CABIN1: variants seen among roughly 807,000 people sequenced by gnomAD.
The protein encoded by CABIN1 is calcineurin binding protein 1.
A neutral mutation model predicts 227.7 loss-of-function variants in CABIN1; 133 were observed. That is an observed-to-expected ratio of 0.58 (90% CI 0.51 to 0.67). The LOEUF (loss-of-function observed/expected upper bound fraction) is 0.67. Among genes scored for constraint, CABIN1 ranks in the 30% least tolerant of loss-of-function variants. The pLI, the probability that CABIN1 is intolerant of heterozygous loss-of-function variation, is 0.00. For synonymous variants in CABIN1, 1,086 were observed against 1,155.1 expected, an observed-to-expected ratio of 0.94 and a Z score of 1.21; for missense variants, 2,408 against 2,852.5, an observed-to-expected ratio of 0.84 and a Z score of 3.55.
chr22:24,108,389 G>C (rs142333282), intron 26 of CABIN1, among the ~76,000 whole-genome samples: 2 of 152,202 alleles, frequency 1.3e-5, no homozygotes, highest in Non-Finnish European at 2.9e-5. Flanking sequence ...TCAAGTTTGG[G>C]ACATTTTGTG....
intron 18 of CABIN1, among the ~76,000 whole-genome samples, chr22:24,075,951 T>C (rs2146861879): frequency 6.6e-6 from 1 of 151,790 alleles, no homozygotes; most frequent in South Asian, 2.1e-4. Flanking sequence ...CCTATATGGC[T>C]TGAATTGTGT....
At chr22:24,064,512 GTTTTTTTTTT>G (rs782268156) in intron 15 of CABIN1, among the ~76,000 whole-genome samples, 23 of 106,900 alleles carry the variant, frequency 2.2e-4, no homozygotes, top group African/African-American at 6.9e-4. Context: ...CAGCTGAAAG[GTTTTTTTTTT>G]TTTTTTTTTT....
rs566471773 is a variant in CABIN1, at chr22:24,077,731, A to C, written c.2748+1447A>C. ...CTCTGCAGGGACAGTCTCTGCTTCCATAAGGTCACCTCCACAAGGCCATCC... is the reference window on the plus strand; with the variant it reads ...CTCTGCAGGGACAGTCTCTGCTTCCCTAAGGTCACCTCCACAAGGCCATCC... On this transcript the variant is annotated intron_variant, in intron 19 of 36. Transcript: ENST00000263119. Among the ~76,000 whole-genome samples the C allele has an allele frequency of 3.3e-5, 5 of 152,254 alleles. No individual in the cohort carries two copies. In the East Asian group the frequency reaches 9.7e-4, roughly 29 times the overall value.
intron 22 of CABIN1, among the ~76,000 whole-genome samples, chr22:24,085,959 G>A (rs1241425739): frequency 2.0e-5 from 3 of 152,218 alleles, no homozygotes; most frequent in Non-Finnish European, 2.9e-5. Context: ...TGAGCACAGA[G>A]CCACCCTAAC....
chr22:24,051,270 C>T (rs58648008), intron 8 of CABIN1, among the ~76,000 whole-genome samples: 6 of 152,134 alleles, frequency 3.9e-5, no homozygotes, highest in African/African-American at 9.7e-5. Context: ...ATCTAGAGGG[C>T]GAATGGAAAC....
intron 34 of CABIN1, among the ~76,000 whole-genome samples, chr22:24,173,920 A>G (rs1157145576): frequency 6.6e-6 from 1 of 151,656 alleles, no homozygotes; most frequent in African/African-American, 2.4e-5. Flanking sequence ...CATAAAATGG[A>G]TAAGATGAAG....
chr22:24,128,641 C>G (rs2043880474), intron 28 of CABIN1, among the ~76,000 whole-genome samples: 1 of 152,210 alleles, frequency 6.6e-6, no homozygotes, highest in African/African-American at 2.4e-5. Context: ...CCAAAGGCTG[C>G]AGAAGGTCTT....
chr22:24,013,112 A>G (rs907332078), intron 1 of CABIN1, among the ~76,000 whole-genome samples: 23 of 148,682 alleles, frequency 1.5e-4, no homozygotes, highest in African/African-American at 5.5e-4. Flanking sequence ...TCTTGGATTT[A>G]TGGTGAACAA....
chr22:24,071,105 T>C, intron 17 of CABIN1, 63 bp downstream of exon 17: 1 of 1,607,504 alleles, frequency 6.2e-7, no homozygotes, highest in Non-Finnish European at 8.5e-7. Context: ...GACATCCTGC[T>C]TCTTCAGTAG....
At chr22:24,107,572 C>T (rs1005486265) in intron 26 of CABIN1, among the ~76,000 whole-genome samples, 9 of 152,240 alleles carry the variant, frequency 5.9e-5, no homozygotes, top group Admixed American at 2.0e-4. Context: ...CCCTGCACAG[C>T]ATGCCGTCCT....
At chr22:24,064,512 G>GTTGT (rs1456099971) in intron 15 of CABIN1, among the ~76,000 whole-genome samples, 1 of 106,900 alleles carries the variant, frequency 9.4e-6, no homozygotes, top group African/African-American at 3.6e-5. Context: ...CAGCTGAAAG[G>GTTGT]TTTTTTTTTT....
chr22:24,172,003 C>G lies in CABIN1; in HGVS notation c.6040+8C>G, dbSNP rs752845253. 3.1e-6 allele frequency: 5 copies of G among 1,606,988 alleles called. No individual in the cohort carries two copies. Among genetic ancestry groups the G allele is most frequent in the Non-Finnish European group, 4.2e-6 (5 of 1,179,190 alleles). ...TGGCCTCTCTGGGCCCAGGTGAGTCCCATCCCAGTCCAGAGCTGGGCCCAG... is the reference window on the plus strand; with the variant it reads ...TGGCCTCTCTGGGCCCAGGTGAGTCGCATCCCAGTCCAGAGCTGGGCCCAG... On this transcript the variant is annotated splice_region_variant and intron_variant, in intron 34 of 36. Coordinates refer to ENST00000263119, the MANE Select transcript of CABIN1 (RefSeq NM_012295.4).
chr22:24,174,577 G>A (rs1237207075), intron 34 of CABIN1, among the ~76,000 whole-genome samples: 1 of 152,096 alleles, frequency 6.6e-6, no homozygotes, highest in Non-Finnish European at 1.5e-5. Context: ...CCATGCTCTC[G>A]TCTTGTAGTT....
chr22:24,087,143 C>G (rs1396761736), intron 22 of CABIN1, among the ~76,000 whole-genome samples: 1 of 152,204 alleles, frequency 6.6e-6, no homozygotes, highest in Admixed American at 6.5e-5. Flanking sequence ...AAGAGCTCAT[C>G]CATTAGAGTA....
At chr22:24,060,355 G>A (rs1203451429) in intron 12 of CABIN1, among the ~76,000 whole-genome samples, 5 of 152,172 alleles carry the variant, frequency 3.3e-5, no homozygotes, top group Non-Finnish European at 7.3e-5. Flanking sequence ...ACTTAGGGGT[G>A]AGAGTGGGCT....
At position 24,178,051 on chromosome 22, in the gene CABIN1, A is replaced by G; in HGVS notation, c.6520-2A>G. 6.2e-7 allele frequency: 1 copy of G among 1,613,564 alleles called. No individual in the cohort carries two copies. The highest frequency in any genetic ancestry group is 8.5e-7 in the Non-Finnish European group (1 of 1,179,938). On this transcript the variant is annotated splice_acceptor_variant, in intron 36 of 36. Coordinates refer to ENST00000263119, the MANE Select transcript of CABIN1 (RefSeq NM_012295.4). LOFTEE classifies it high-confidence loss of function. ...CAGTGCCCCGCCCGGCCCTCTCCGC[A>G]GTCAGCCATCCTTTCTGCCCAGTCT...
At chr22:24,048,343 T>C (rs1486001188) in intron 6 of CABIN1, among the ~76,000 whole-genome samples, 4 of 152,338 alleles carry the variant, frequency 2.6e-5, no homozygotes, top group South Asian at 2.1e-4. Flanking sequence ...ATCTATGTAG[T>C]GGCTGCTTGG....
chr22:24,059,493 TA>T, intron 11 of CABIN1, 130 bp downstream of exon 11: 3 of 1,115,910 alleles, frequency 2.7e-6, no homozygotes, highest in Non-Finnish European at 2.6e-6. Flanking sequence ...CTGCCTGGAT[TA>T]GTCTTGGACC....
At chr22:24,153,028 A>G (rs2045584141) in intron 29 of CABIN1, among the ~76,000 whole-genome samples, 1 of 152,106 alleles carries the variant, frequency 6.6e-6, no homozygotes, top group South Asian at 2.1e-4. Context: ...CACTGGGGCT[A>G]TGAGGTCCCC....
Sources: gnomAD v4.1 joint callset for allele counts (sites outside exome capture counted in the v4.1 genomes callset) on GRCh38, gnomAD v4.1.1 for gene constraint, MANE v1.5 for transcripts, NCBI Gene and HGNC (gene_info 2026-07-23, HGNC 2026-07-21) for gene names.